Variants in PAQR3 observed in about 807,000 individuals in gnomAD.
The protein encoded by PAQR3 is progestin and adipoQ receptor family member 3.
Under a neutral mutation model 41.7 loss-of-function variants are expected in PAQR3, and 39 were observed. The observed-to-expected ratio is 0.93, with a 90% CI of 0.72 to 1.22. PAQR3 has a LOEUF of 1.22. Among genes scored for constraint, PAQR3 ranks in the 50% most tolerant of loss-of-function variants. The probability of loss-of-function intolerance (pLI) is 0.00; values close to 1 mark genes in which losing one functional copy is unlikely to be tolerated. For synonymous variants in PAQR3, 140 were observed against 140.6 expected, an observed-to-expected ratio of 1.00 and a Z score of 0.03; for missense variants, 366 against 385.6, an observed-to-expected ratio of 0.95 and a Z score of 0.42.
At position 78,918,392 on chromosome 4, in the gene PAQR3, G is replaced by A; in HGVS notation, c.*2147C>T. ...ACACAGTAGGTGGTCATTAAATGCTGACTGACATACAGAAGTGTTTCTAGT... is the reference window on the plus strand; with the variant it reads ...ACACAGTAGGTGGTCATTAAATGCTAACTGACATACAGAAGTGTTTCTAGT... On this transcript the variant is annotated 3_prime_UTR_variant, in exon 6 of 6. Transcript: ENST00000512733. The A allele has an allele frequency of 1.0e-6, 1 of 978,060 alleles. No homozygotes were observed. Among genetic ancestry groups the A allele is most frequent in the Non-Finnish European group, 1.2e-6 (1 of 822,980 alleles). The allele number at this position is 978,060 out of a possible 1,614,324, so 60.6% of individuals were successfully genotyped here.
intron 11 of PAQR3, among the ~76,000 whole-genome samples, chr4:78,903,597 T>G (rs1262401671): frequency 6.6e-6 from 1 of 152,012 alleles, no homozygotes; most frequent in Admixed American, 6.6e-5. Flanking sequence ...CAGGCTTATT[T>G]GGATGTTTAT....
At chr4:78,921,068 G>A (rs923016250) in intron 5 of PAQR3, among the ~76,000 whole-genome samples, 2 of 151,878 alleles carry the variant, frequency 1.3e-5, no homozygotes, top group African/African-American at 4.8e-5. Context: ...ATAAATCCGC[G>A]AGAAGGAGAT....
At chr4:78,889,149 A>G (rs895659334) in intron 11 of PAQR3, among the ~76,000 whole-genome samples, 5 of 138,650 alleles carry the variant, frequency 3.6e-5, no homozygotes, top group Non-Finnish European at 4.6e-5. Context: ...TGAACCCGGG[A>G]GGCGGAGTTT....
In PAQR3 at chr4:78,913,520, C is replaced by G. The variant is rs1363679733; in HGVS notation, c.*7019G>C. ...TTGGAAGTTTCTAGAACAGTTAATG[C>G]TATTTACAGAAAGGAGTAGAAACTC... On this transcript the variant is annotated 3_prime_UTR_variant, in exon 6 of 6. Coordinates refer to ENST00000512733, the MANE Select transcript of PAQR3 (RefSeq NM_001040202.2). The G allele has an allele frequency of 2.6e-5, 4 of 152,086 alleles. No individual in the cohort carries two copies. Among genetic ancestry groups the G allele is most frequent in the Non-Finnish European group, 5.9e-5 (4 of 67,978 alleles). 9.4% of individuals were successfully genotyped at this position (152,086 alleles called of 1,614,324 possible).
chr4:78,917,517 A>G lies in PAQR3; in HGVS notation c.*3022T>C, dbSNP rs1227180150. ...TGGGAATTCTGGTACAAAATTTCAG[A>G]GGACTGTATTTACACCTCTTTAGTG... On this transcript the variant is annotated 3_prime_UTR_variant, in exon 6 of 6. Coordinates refer to ENST00000512733, the MANE Select transcript of PAQR3 (RefSeq NM_001040202.2). 6.6e-6 allele frequency: 1 copy of G among 152,046 alleles called. No individual in the cohort carries two copies. The highest frequency in any genetic ancestry group is 6.6e-5 in the Admixed American group (1 of 15,222). The allele number at this position is 152,046 out of a possible 1,614,324, so 9.4% of individuals were successfully genotyped here.
In PAQR3 at chr4:78,920,113, G is replaced by A. The variant is rs1735505204; in HGVS notation, c.*426C>T. The stretch of plus-strand genomic sequence containing the variant: ...ACTATCCTAGCTTGCATTAAGCATA[G>A]GCTGAAACAACACTTGCCTTGATTA... On this transcript the variant is annotated 3_prime_UTR_variant, in exon 6 of 6. Transcript: ENST00000512733. The A allele has an allele frequency of 1.0e-6, 1 of 986,546 alleles. No homozygotes were observed. Among genetic ancestry groups the A allele is most frequent in the Non-Finnish European group, 1.2e-6 (1 of 830,524 alleles). 61.1% of individuals were successfully genotyped at this position (986,546 alleles called of 1,614,324 possible).
At chr4:78,922,077 C>A in intron 5 of PAQR3, 1 of 1,034,980 alleles carries the variant, frequency 9.7e-7, no homozygotes, top group Admixed American at 4.9e-5. Flanking sequence ...ACTTGTCTTG[C>A]TATAAAGAAA....
chr4:78,922,925 G>C (rs1474126361), intron 5 of PAQR3: 2 of 456,092 alleles, frequency 4.4e-6, no homozygotes, highest in Non-Finnish European at 8.8e-6. Context: ...ACAGGTTTTG[G>C]AGACTGTTGT....
In PAQR3 at chr4:78,939,059, A is replaced by C. The variant is rs376467729; in HGVS notation, c.166T>G (p.Ser56Ala). The change falls in exon 1 of 6, where the codon TCC becomes GCC. Residue 56 changes from serine to alanine, a missense_variant. Coordinates refer to ENST00000512733, the MANE Select transcript of PAQR3 (RefSeq NM_001040202.2). ...CCGTACCTTTTGATACACAGCCTGG[A>C]CGGCAGGTAGGCCCGGTAGCCGTCG... ...ITDGYRAYLP[S>A]RLCIKSLFIL... The C allele has an allele frequency of 5.0e-6, 8 of 1,607,570 alleles. No individual in the cohort carries two copies. The highest frequency in any genetic ancestry group is 6.8e-6 in the Non-Finnish European group (8 of 1,175,568).
chr4:78,922,684 A>C, intron 5 of PAQR3: 1 of 359,638 alleles, frequency 2.8e-6, no homozygotes, highest in Middle Eastern at 7.7e-4. Flanking sequence ...TGGTTACATG[A>C]TATGTGCATT....
In PAQR3 at chr4:78,939,332, C is replaced by A; in HGVS notation, c.-108G>T. 4 of 1,063,118 alleles carry A rather than the reference C, an allele frequency of 3.8e-6. No homozygotes were observed. The highest frequency in any genetic ancestry group is 5.1e-6 in the Non-Finnish European group (4 of 789,808). 65.9% of individuals were successfully genotyped at this position (1,063,118 alleles called of 1,614,324 possible). ...CCCGCCCCGGAGCCCGCGGACGCTG[C>A]GCGAGGTCCTACCGCGCTGCCGCTG... On this transcript the variant is annotated 5_prime_UTR_variant, in exon 1 of 6. Coordinates refer to ENST00000512733, the MANE Select transcript of PAQR3 (RefSeq NM_001040202.2).
At position 78,918,136 on chromosome 4, in the gene PAQR3, A is replaced by C; in HGVS notation, c.*2403T>G. 1.0e-6 allele frequency: 1 copy of C among 966,144 alleles called. No homozygotes were observed. The highest frequency in any genetic ancestry group is 1.2e-6 in the Non-Finnish European group (1 of 812,120). 59.8% of individuals were successfully genotyped at this position (966,144 alleles called of 1,614,324 possible). A position where few individuals can be genotyped will look rare whatever the true frequency, so the allele number is the denominator to read the frequency against. ...AGACAATTTAAAACAGCCATAGATA[A>C]TTTTAAAATGTAAAATCTGTAGGCA... On this transcript the variant is annotated 3_prime_UTR_variant, in exon 6 of 6. Coordinates refer to ENST00000512733, the MANE Select transcript of PAQR3 (RefSeq NM_001040202.2).
In PAQR3 at chr4:78,918,185, T is replaced by C. The variant is rs1230707089; in HGVS notation, c.*2354A>G. 7.4e-6 allele frequency: 7 copies of C among 942,396 alleles called. No individual in the cohort carries two copies. Among genetic ancestry groups the C allele is most frequent in the African/African-American group, 1.8e-5 (1 of 56,114 alleles). The allele number at this position is 942,396 out of a possible 1,614,324, so 58.4% of individuals were successfully genotyped here. On this transcript the variant is annotated 3_prime_UTR_variant, in exon 6 of 6. Coordinates refer to ENST00000512733, the MANE Select transcript of PAQR3 (RefSeq NM_001040202.2). ...CAAAAAGCTTTTATAGTTCACACAT[T>C]GGTAAAATTAAAACCAGTCTTTTTT...
rs896583473 is a variant in PAQR3 at position 78,913,925 on chromosome 4, GTTGA to G, written c.*6610_*6613del. Reference sequence around the variant, plus strand: ...CTTTTTTTTTTTTTCTGATTCTCAGGTTGATTAATACTGCTAATGCAAATGCTCA... The same window carrying G: ...CTTTTTTTTTTTTTCTGATTCTCAGGTTAATACTGCTAATGCAAATGCTCA... On this transcript the variant is annotated 3_prime_UTR_variant, in exon 6 of 6. Transcript: ENST00000512733. 8 of 151,432 alleles carry G rather than the reference GTTGA, an allele frequency of 5.3e-5. No individual in the cohort carries two copies. Among genetic ancestry groups the G allele is most frequent in the Non-Finnish European group, 8.8e-5 (6 of 67,804 alleles). 9.4% of individuals were successfully genotyped at this position (151,432 alleles called of 1,614,324 possible). A position where few individuals can be genotyped will look rare whatever the true frequency, so the allele number is the denominator to read the frequency against.
Position 78,939,128 on chromosome 4 carries a change from A to C in PAQR3, c.97T>G (p.Tyr33Asp), listed in dbSNP as rs1737759764. The C allele has an allele frequency of 1.2e-6, 2 of 1,613,834 alleles. No homozygotes were observed. The highest frequency in any genetic ancestry group is 1.7e-6 in the Non-Finnish European group (2 of 1,179,892). ...TTGAGGGACCCGGGGATCTGCTCGT[A>C]GGTGTACAGGCGGATGCCACGGGGC... Reference protein sequence around the residue: ...LVPRGIRLYTYEQIPGSLKDN... With the variant: ...LVPRGIRLYTDEQIPGSLKDN... The change falls in exon 1 of 6, where the codon TAC becomes GAC. Residue 33 changes from tyrosine to aspartate, a missense_variant. By Grantham distance (160) the Tyr-to-Asp change is radical. Coordinates refer to ENST00000512733, the MANE Select transcript of PAQR3 (RefSeq NM_001040202.2).
At chr4:78,922,464 T>C in intron 5 of PAQR3, 1 of 1,268,454 alleles carries the variant, frequency 7.9e-7, no homozygotes, top group Non-Finnish European at 1.0e-6. Flanking sequence ...AGTTTAGATT[T>C]AAACTGCTCC....
At position 78,912,172 on chromosome 4, in the gene PAQR3, C is replaced by A; in HGVS notation, c.*8367G>T. 2 of 777,186 alleles carry A rather than the reference C, an allele frequency of 2.6e-6. No homozygotes were observed. Among genetic ancestry groups the A allele is most frequent in the Non-Finnish European group, 4.2e-6 (2 of 480,752 alleles). 48.1% of individuals were successfully genotyped at this position (777,186 alleles called of 1,614,324 possible). A position where few individuals can be genotyped will look rare whatever the true frequency, so the allele number is the denominator to read the frequency against. On this transcript the variant is annotated 3_prime_UTR_variant, in exon 6 of 6. Coordinates refer to ENST00000512733, the MANE Select transcript of PAQR3 (RefSeq NM_001040202.2). Reference sequence around the variant, plus strand: ...CAGAATAGGTGATTTCTAAATAAACCAAATAGAAGAATGAAGTATCTCTAC... The same window carrying A: ...CAGAATAGGTGATTTCTAAATAAACAAAATAGAAGAATGAAGTATCTCTAC...
chr4:78,918,562 G>C lies in PAQR3; in HGVS notation c.*1977C>G. The C allele has an allele frequency of 1.0e-6, 1 of 975,314 alleles. No homozygotes were observed. Among genetic ancestry groups the C allele is most frequent in the South Asian group, 4.7e-5 (1 of 21,092 alleles). 60.4% of individuals were successfully genotyped at this position (975,314 alleles called of 1,614,324 possible). ...TTTACATGGAATAATTTTCCCTACAGAAAGACCTGTACACCCTTTAAATTC... is the reference window on the plus strand; with the variant it reads ...TTTACATGGAATAATTTTCCCTACACAAAGACCTGTACACCCTTTAAATTC... On this transcript the variant is annotated 3_prime_UTR_variant, in exon 6 of 6. Coordinates refer to ENST00000512733, the MANE Select transcript of PAQR3 (RefSeq NM_001040202.2).
chr4:78,911,737 A>G (rs1734624570), downstream of PAQR3: 1 of 1,613,870 alleles, frequency 6.2e-7, no homozygotes, highest in Non-Finnish European at 8.5e-7. Flanking sequence ...ACCTGAGGAG[A>G]GCCTGTTGGA....
Sources: allele counts gnomAD v4.1 joint callset (sites outside exome capture counted in the v4.1 genomes callset), GRCh38; gene constraint gnomAD v4.1.1; transcripts MANE v1.5; gene names NCBI Gene and HGNC (gene_info 2026-07-23, HGNC 2026-07-21).